The following ZNF618 variants were observed in gnomAD, a reference collection of about 807,000 sequenced individuals.
ZNF618 encodes the protein zinc finger protein 618.
A neutral mutation model predicts 103.0 loss-of-function variants in ZNF618; 34 were observed. The observed-to-expected ratio is 0.33, with a 90% confidence interval of 0.25 to 0.44. The LOEUF is 0.44. Among genes scored for constraint, ZNF618 ranks in the 20% least tolerant of loss-of-function variants. The probability of loss-of-function intolerance (pLI) is 1.00; values close to 1 mark genes in which losing one functional copy is unlikely to be tolerated. For missense variants in ZNF618, 1,059 were observed against 1,295.4 expected (o/e 0.82, Z 2.80); for synonymous variants, 551 against 542.2 (o/e 1.02, Z -0.23).
chr9:113,911,640 T>C, intron 1 of ZNF618, among the ~76,000 whole-genome samples: 1 of 152,146 alleles, frequency 6.6e-6, no homozygotes. Flanking sequence ...GTATTGTTTT[T>C]TCTTTACTAA....
rs1300214652 is a variant in ZNF618, at chr9:114,002,620, G to A, written c.512-4G>A. On this transcript the variant is annotated splice_polypyrimidine_tract_variant and splice_region_variant and intron_variant, in intron 5 of 14. Transcript: ENST00000374126. ...CCCCCATCCCTCTCTCTCTCTCTTT[G>A]CAGACACCGAAGCCACCTCAGGGGA... The A allele has an allele frequency of 6.2e-7, 1 of 1,605,036 alleles. No individual in the cohort carries two copies. The highest frequency in any genetic ancestry group is 8.5e-7 in the Non-Finnish European group (1 of 1,176,972).
At chr9:113,943,573 A>G (rs1229076087) in intron 1 of ZNF618, among the ~76,000 whole-genome samples, 6 of 151,176 alleles carry the variant, frequency 4.0e-5, no homozygotes, top group Non-Finnish European at 8.8e-5. Flanking sequence ...CACAGGCCCC[A>G]GTGTGGCCAG....
intron 4 of ZNF618, among the ~76,000 whole-genome samples, chr9:114,001,192 C>T (rs1841164299): frequency 6.6e-6 from 1 of 152,084 alleles, no homozygotes; most frequent in African/African-American, 2.4e-5. Flanking sequence ...CATGGGCAGG[C>T]TCATCTTTTA....
At chr9:114,047,134 G>A (rs2134624602) in intron 13 of ZNF618, among the ~76,000 whole-genome samples, 1 of 152,328 alleles carries the variant, frequency 6.6e-6, no homozygotes, top group East Asian at 1.9e-4. Flanking sequence ...AACATGTCAA[G>A]GAGTAACCAT....
In ZNF618 at chr9:113,985,257, T is replaced by C. The variant is rs536582813; in HGVS notation, c.78-3064T>C. ...GATTTGACCCTAGGATGATCCAACT[T>C]CCAAGTCTGGTGCTTGGCCCATTTC... On this transcript the variant is annotated intron_variant, in intron 2 of 14. Coordinates refer to ENST00000374126, the MANE Select transcript of ZNF618 (RefSeq NM_001318042.2). 1.3e-3 allele frequency among the ~76,000 whole-genome samples: 192 copies of C among 152,330 alleles called. 2 individuals carry two copies. Among genetic ancestry groups the C allele is most frequent in the South Asian group, 5.8e-3 (28 of 4,820 alleles).
chr9:114,013,129 T>C (rs533120577), intron 9 of ZNF618, among the ~76,000 whole-genome samples: 1 of 152,212 alleles, frequency 6.6e-6, no homozygotes, highest in Non-Finnish European at 1.5e-5. Flanking sequence ...GGGAAAAAGT[T>C]GTAATCTAAG....
intron 9 of ZNF618, among the ~76,000 whole-genome samples, chr9:114,015,395 T>A (rs1842571811): frequency 6.6e-6 from 1 of 152,172 alleles, no homozygotes; most frequent in Non-Finnish European, 1.5e-5. Context: ...ATCAATTTCC[T>A]TAGAAATCAA....
chr9:113,887,390 G>A (rs937832995), intron 1 of ZNF618, among the ~76,000 whole-genome samples: 3 of 152,198 alleles, frequency 2.0e-5, no homozygotes, highest in Non-Finnish European at 4.4e-5. Context: ...CCAACAAGAT[G>A]AGCAAAAACA....
chr9:114,036,404 C>T (rs768051001), intron 13 of ZNF618, 27 bp downstream of exon 13: 6 of 1,555,382 alleles, frequency 3.9e-6, no homozygotes, highest in Admixed American at 3.9e-5. Context: ...TTCTCTCCCC[C>T]TCTCCTTCCT....
At chr9:114,024,289 A>G (rs79972452) in intron 10 of ZNF618, among the ~76,000 whole-genome samples, 7,656 of 152,174 alleles carry the variant, frequency 0.05, 266 homozygotes, top group Middle Eastern at 0.082. Flanking sequence ...GTTTCTTTTT[A>G]TAATTTTTAT....
At chr9:113,967,550 T>C (rs1378804473) in intron 1 of ZNF618, among the ~76,000 whole-genome samples, 2 of 152,188 alleles carry the variant, frequency 1.3e-5, no homozygotes, top group Non-Finnish European at 2.9e-5. Flanking sequence ...AGTAAAATGC[T>C]CCAGAACTGA....
Position 114,050,183 on chromosome 9 carries a change from GA to G in ZNF618, c.*25del, listed in dbSNP as rs748775551. On this transcript the variant is annotated 3_prime_UTR_variant, in exon 15 of 15. Transcript: ENST00000374126. Reference sequence around the variant, plus strand: ...CATGCTTTAAGACTTGACTTCGGGGGAAAAAAAAAGAAAAAGAGAAGATAAC... The same window carrying G: ...CATGCTTTAAGACTTGACTTCGGGGGAAAAAAAAGAAAAAGAGAAGATAAC... 250 of 1,479,922 alleles carry G rather than the reference GA, an allele frequency of 1.7e-4. 1 individual carries two copies. Among genetic ancestry groups the G allele is most frequent in the African/African-American group, 1.2e-3 (84 of 70,288 alleles). The allele number at this position is 1,479,922 out of a possible 1,614,324, so 91.7% of individuals were successfully genotyped here.
intron 2 of ZNF618, among the ~76,000 whole-genome samples, chr9:113,986,479 G>A (rs933284541): frequency 1.3e-5 from 2 of 152,206 alleles, no homozygotes; most frequent in Non-Finnish European, 2.9e-5. Flanking sequence ...GAGGCTGGAG[G>A]TTGTGATTAG....
chr9:114,008,436 C>CT, intron 8 of ZNF618, 41 bp from the exon 9 acceptor site: 1 of 1,613,676 alleles, frequency 6.2e-7, no homozygotes, highest in South Asian at 1.1e-5. Flanking sequence ...CTCCTGAGAC[C>CT]TGGGGGACCA....
intron 1 of ZNF618, among the ~76,000 whole-genome samples, chr9:113,909,014 G>A (rs1249686576): frequency 6.6e-6 from 1 of 151,828 alleles, no homozygotes; most frequent in Non-Finnish European, 1.5e-5. Context: ...ATACCCCAAA[G>A]CCGGTGAATC....
rs181967015 is a variant in ZNF618, at chr9:114,044,281, G to A, written c.1247-3612G>A. 1.8e-4 allele frequency among the ~76,000 whole-genome samples: 27 copies of A among 152,116 alleles called. No individual in the cohort carries two copies. In the East Asian group the frequency reaches 3.5e-3, roughly 20 times the overall value. On this transcript the variant is annotated intron_variant, in intron 13 of 14. Coordinates refer to ENST00000374126, the MANE Select transcript of ZNF618 (RefSeq NM_001318042.2). ...CCACATGTGGCTAGCCAATTATCCCGCACCATTTGTTGAATAGGGTGTCCT... is the reference window on the plus strand; with the variant it reads ...CCACATGTGGCTAGCCAATTATCCCACACCATTTGTTGAATAGGGTGTCCT...
chr9:114,002,590 C>G, intron 5 of ZNF618, 34 bp from the exon 6 acceptor site: 1 of 1,596,866 alleles, frequency 6.3e-7, no homozygotes, highest in Non-Finnish European at 8.5e-7. Flanking sequence ...GGCCCGGTAG[C>G]CCCACCCCCA....
Position 114,048,751 on chromosome 9 carries a change from A to T in ZNF618, c.1449A>T (p.Ala483=), listed in dbSNP as rs777215245. ...GGGTCATGTGTGCCGACCTGGGTGCACTGAGCGTGGTCAGCGGGAAGGAGT... is the reference window on the plus strand; with the variant it reads ...GGGTCATGTGTGCCGACCTGGGTGCTCTGAGCGTGGTCAGCGGGAAGGAGT... ...LLRVMCADLG[A]LSVVSGKEFL... is the part of the protein sequence containing the mutation. Residue 483 remains alanine (A), a synonymous_variant, in exon 15 of 15, where the codon GCA becomes GCT. Coordinates refer to ENST00000374126, the MANE Select transcript of ZNF618 (RefSeq NM_001318042.2). The T allele has an allele frequency of 3.7e-6, 6 of 1,613,894 alleles. No homozygotes were observed. Among genetic ancestry groups the T allele is most frequent in the Non-Finnish European group, 5.1e-6 (6 of 1,179,892 alleles).
At chr9:113,910,637 A>G (rs76585134) in intron 1 of ZNF618, among the ~76,000 whole-genome samples, 1,862 of 152,090 alleles carry the variant, frequency 0.012, 21 homozygotes, top group Middle Eastern at 0.037. Context: ...AATTTGTCCA[A>G]TTATCTACCA....
Sources: gnomAD v4.1 joint callset for allele counts (sites outside exome capture counted in the v4.1 genomes callset) on GRCh38, gnomAD v4.1.1 for gene constraint, MANE v1.5 for transcripts, NCBI Gene and HGNC (gene_info 2026-07-23, HGNC 2026-07-21) for gene names.